The following RELN variants were observed in gnomAD, a reference collection of about 807,000 sequenced individuals.
RELN encodes reelin.
RELN carries 108 observed loss-of-function variants against 427.6 expected under a neutral mutation model. That is an observed-to-expected ratio of 0.25 (90% CI 0.22 to 0.30). RELN has a LOEUF of 0.30. RELN is among the 10% of genes least tolerant of loss of function. RELN has a pLI of 1.00. For synonymous variants in RELN, 1,524 were observed against 1,513.4 expected (o/e 1.01, Z -0.16); for missense variants, 3,715 against 4,302.8 (o/e 0.86, Z 3.82).
intron 28 of RELN, among the ~76,000 whole-genome samples, chr7:103,588,625 C>T (rs1407241864): frequency 6.6e-6 from 1 of 152,120 alleles, no homozygotes; most frequent in Non-Finnish European, 1.5e-5. Flanking sequence ...AGTGTAAAAG[C>T]TAGTTATTAT....
intron 61 of RELN, chr7:103,484,306 A>G (rs764752394): frequency 8.8e-5 from 17 of 193,446 alleles, no homozygotes; most frequent in Middle Eastern, 2.3e-3. Flanking sequence ...GCCAGTCTTG[A>G]GAGCTTGTTT....
At position 103,626,115 on chromosome 7, in the gene RELN, C is replaced by T. The variant is rs1832323889; in HGVS notation, c.2702+3825G>A. Among the ~76,000 whole-genome samples, 1 of 152,024 alleles carries T rather than the reference C, an allele frequency of 6.6e-6. No individual in the cohort carries two copies. Among genetic ancestry groups the T allele is most frequent in the African/African-American group, 2.4e-5 (1 of 41,426 alleles). ...TACTAACAAAACTCAGTTATTTCCT[C>T]TTTTGATAAAGTTGCTTTGATGCAA... On this transcript the variant is annotated intron_variant, in intron 20 of 64. Transcript: ENST00000428762. This position sits in a 1 kb window ranked among gnomAD's most constrained non-coding sequence, Gnocchi z 4.4.
chr7:103,949,454 A>G (rs35662900), intron 1 of RELN, among the ~76,000 whole-genome samples: 41,479 of 151,802 alleles, frequency 0.27, 5,994 homozygotes, highest in Non-Finnish European at 0.33. Context: ...TAATTAGGTC[A>G]TAAACGAGGA....
intron 3 of RELN, among the ~76,000 whole-genome samples, chr7:103,800,665 C>T (rs1341662923): frequency 6.6e-6 from 1 of 152,140 alleles, no homozygotes; most frequent in African/African-American, 2.4e-5. Flanking sequence ...AGGACATAGG[C>T]ATGGGCAAGG....
chr7:103,741,401 C>A (rs1790651173), intron 6 of RELN, among the ~76,000 whole-genome samples: 1 of 151,740 alleles, frequency 6.6e-6, no homozygotes. Flanking sequence ...TTTAATTTGG[C>A]ATTTGTTTTT....
At chr7:103,927,228 A>T (rs1034321094) in intron 1 of RELN, among the ~76,000 whole-genome samples, 2 of 152,210 alleles carry the variant, frequency 1.3e-5, no homozygotes, top group African/African-American at 4.8e-5. Flanking sequence ...AATATTTATA[A>T]AGTGCCACTC....
At chr7:103,606,503 C>A (rs1317721427) in intron 22 of RELN, among the ~76,000 whole-genome samples, 1 of 152,108 alleles carries the variant, frequency 6.6e-6, no homozygotes, top group Admixed American at 6.5e-5. Context: ...AAGGTTTAGG[C>A]AAACTAATTT....
chr7:103,539,715 G>T (rs1245665253), intron 44 of RELN, among the ~76,000 whole-genome samples: 1 of 152,098 alleles, frequency 6.6e-6, no homozygotes, highest in Admixed American at 6.5e-5. Flanking sequence ...TGAACTCTAC[G>T]GTTTGTTAAC....
rs370589172 is a variant in RELN at position 103,744,215 on chromosome 7, T to A, written c.656+5211A>T. Among the ~76,000 whole-genome samples the A allele has an allele frequency of 3.9e-5, 6 of 152,088 alleles. No homozygotes were observed. In the East Asian group the frequency reaches 1.2e-3, roughly 29 times the overall value. On this transcript the variant is annotated intron_variant, in intron 6 of 64. Transcript: ENST00000428762. ...AAATAAAGATGTTCTTTGAAACCAATGAGAACAAAGACACAACATACCAGA... is the reference window on the plus strand; with the variant it reads ...AAATAAAGATGTTCTTTGAAACCAAAGAGAACAAAGACACAACATACCAGA...
chr7:103,915,666 AC>A, intron 2 of RELN, among the ~76,000 whole-genome samples: 1 of 151,972 alleles, frequency 6.6e-6, no homozygotes, highest in Admixed American at 6.6e-5. Flanking sequence ...TCAGGCCCTC[AC>A]CCCCAGAGGT....
chr7:103,540,872 A>C (rs1830162908), intron 43 of RELN, among the ~76,000 whole-genome samples: 1 of 152,216 alleles, frequency 6.6e-6, no homozygotes, highest in African/African-American at 2.4e-5. Flanking sequence ...GAATGTAATT[A>C]ATGTAGTGTA....
Position 103,909,792 on chromosome 7 carries a change from A to T in RELN, c.337+7283T>A, listed in dbSNP as rs868010021. 3.2e-3 allele frequency among the ~76,000 whole-genome samples: 278 copies of T among 86,804 alleles called. 80 individuals carry two copies. The highest frequency in any genetic ancestry group is 0.018 in the African/African-American group (267 of 15,226). The allele number at this position is 86,804 out of a possible 152,430, so 56.9% of individuals were successfully genotyped here. A position where few individuals can be genotyped will look rare whatever the true frequency, so the allele number is the denominator to read the frequency against. ...TTTAATATATATAAATATATATATTAAATATATATTAATATATAATATTAT... is the reference window on the plus strand; with the variant it reads ...TTTAATATATATAAATATATATATTTAATATATATTAATATATAATATTAT... On this transcript the variant is annotated intron_variant, in intron 2 of 64. Transcript: ENST00000428762.
intron 10 of RELN, among the ~76,000 whole-genome samples, chr7:103,693,477 T>C (rs1421486252): frequency 6.6e-6 from 1 of 151,378 alleles, no homozygotes; most frequent in African/African-American, 2.4e-5. Flanking sequence ...CAAACCTGCA[T>C]GTTCTGCACG....
rs531022791 is a variant in RELN at position 103,975,248 on chromosome 7, G to A, written c.226+13883C>T. Among the ~76,000 whole-genome samples the A allele has an allele frequency of 3.9e-5, 6 of 152,258 alleles. 1 individual carries two copies. In the South Asian group the frequency reaches 1.2e-3, roughly 32 times the overall value. ...TTAACTATATCTCATATTAGACAGG[G>A]ATCCCAAGTGCTATTCTTGCTCACT... On this transcript the variant is annotated intron_variant, in intron 1 of 64. Coordinates refer to ENST00000428762, the MANE Select transcript of RELN (RefSeq NM_005045.4).
chr7:103,521,226 G>T (rs1829702094), intron 48 of RELN, among the ~76,000 whole-genome samples: 1 of 151,160 alleles, frequency 6.6e-6, no homozygotes, highest in Non-Finnish European at 1.5e-5. Flanking sequence ...TGATCCACCC[G>T]CCTCGGCCTC....
intron 17 of RELN, among the ~76,000 whole-genome samples, chr7:103,639,492 C>CGA (rs1832653965): frequency 6.6e-6 from 1 of 151,312 alleles, no homozygotes; most frequent in Admixed American, 6.6e-5. Context: ...CTCTACCTCC[C>CGA]GGGTTCAGGT....
chr7:103,665,339 T>G (rs1227887121), intron 11 of RELN, among the ~76,000 whole-genome samples: 6 of 141,132 alleles, frequency 4.3e-5, no homozygotes, highest in East Asian at 2.1e-4. Context: ...ATACATATGG[T>G]GTGTGTGTGT....
At chr7:103,842,343 T>C (rs980239040) in intron 2 of RELN, among the ~76,000 whole-genome samples, 3 of 152,254 alleles carry the variant, frequency 2.0e-5, no homozygotes, top group East Asian at 1.9e-4. Context: ...AAATGAATTA[T>C]AGAATTCCTT....
chr7:103,586,129 C>T (rs1376587900), intron 28 of RELN, among the ~76,000 whole-genome samples: 3 of 151,974 alleles, frequency 2.0e-5, no homozygotes, highest in Non-Finnish European at 2.9e-5. Flanking sequence ...TTTGGGAGGC[C>T]GAGGAGGGTG....
Sources: gnomAD v4.1 joint callset for allele counts (sites outside exome capture counted in the v4.1 genomes callset) on GRCh38, gnomAD v4.1.1 for gene constraint, Gnocchi (gnomAD v3.1) non-coding constraint, MANE v1.5 for transcripts, NCBI Gene and HGNC (gene_info 2026-07-23, HGNC 2026-07-21) for gene names.